PELI2: variants seen among roughly 807,000 people sequenced by gnomAD.
PELI2 encodes the protein pellino E3 ubiquitin protein ligase family member 2.
In PELI2, 23 loss-of-function variants were observed where a neutral mutation model predicts 42.3. The ratio of observed to expected loss-of-function variants is 0.54; its 90% confidence interval spans 0.39 to 0.77. PELI2 has a LOEUF of 0.77. Among genes scored for constraint, PELI2 ranks in the 30% least tolerant of loss-of-function variants. The pLI is 0.00. For synonymous variants in PELI2, 245 were observed against 212.2 expected (o/e 1.15, Z -1.34); for missense variants, 463 against 553.2 (o/e 0.84, Z 1.64).
At chr14:56,165,073 GT>G (rs1427044814) in intron 1 of PELI2, among the ~76,000 whole-genome samples, 1 of 125,394 alleles carries the variant, frequency 8.0e-6, no homozygotes, top group Non-Finnish European at 1.8e-5. Flanking sequence ...CTAATTTTGG[GT>G]TTGGTTTGCT....
chr14:56,204,456 G>A (rs1886444044), intron 2 of PELI2, among the ~76,000 whole-genome samples: 1 of 152,146 alleles, frequency 6.6e-6, no homozygotes, highest in Admixed American at 6.5e-5. Context: ...AGGATAATGT[G>A]AATTTGGAGG....
At chr14:56,224,980 C>G (rs969871725) in intron 2 of PELI2, among the ~76,000 whole-genome samples, 2 of 152,152 alleles carry the variant, frequency 1.3e-5, no homozygotes, top group Non-Finnish European at 1.5e-5. Context: ...GGTTTCTCCC[C>G]CAGTGCTCTG....
At chr14:56,155,105 A>T (rs1181419806) in intron 1 of PELI2, among the ~76,000 whole-genome samples, 19 of 152,164 alleles carry the variant, frequency 1.2e-4, no homozygotes, top group Non-Finnish European at 1.5e-5. Flanking sequence ...ATTTGTAAAA[A>T]TGTTTATTAA....
chr14:56,223,566 A>G (rs1887230080), intron 2 of PELI2, among the ~76,000 whole-genome samples: 1 of 152,216 alleles, frequency 6.6e-6, no homozygotes, highest in Admixed American at 6.5e-5. Context: ...TAATAATAGG[A>G]AAGCAAAATA....
At position 56,299,346 on chromosome 14, in the gene PELI2, G is replaced by A. The variant is rs1890107728; in HGVS notation, c.*2180G>A. ...CCAAGTTGGACACGTCCCGTAGTTG[G>A]GCATATGTCTAACTAAAAGTTTCTG... On this transcript the variant is annotated 3_prime_UTR_variant, in exon 6 of 6. Coordinates refer to ENST00000267460, the MANE Select transcript of PELI2 (RefSeq NM_021255.3). The A allele has an allele frequency of 6.6e-6, 1 of 152,144 alleles. No individual in the cohort carries two copies. The highest frequency in any genetic ancestry group is 1.5e-5 in the Non-Finnish European group (1 of 68,032). The allele number at this position is 152,144 out of a possible 1,614,324, so 9.4% of individuals were successfully genotyped here. A position where few individuals can be genotyped will look rare whatever the true frequency, so the allele number is the denominator to read the frequency against.
At chr14:56,199,108 C>T (rs953881689) in intron 2 of PELI2, among the ~76,000 whole-genome samples, 1 of 152,070 alleles carries the variant, frequency 6.6e-6, no homozygotes, top group Non-Finnish European at 1.5e-5. Context: ...TATCTTTCCC[C>T]CTTCCTCCTA....
At chr14:56,175,713 A>C (rs1305215397) in intron 1 of PELI2, among the ~76,000 whole-genome samples, 1 of 152,210 alleles carries the variant, frequency 6.6e-6, no homozygotes, top group Non-Finnish European at 1.5e-5. Flanking sequence ...ATGTTTCTGC[A>C]TGTGTTAAGG....
chr14:56,204,819 G>C (rs188081205), intron 2 of PELI2, among the ~76,000 whole-genome samples: 59 of 152,104 alleles, frequency 3.9e-4, no homozygotes, highest in African/African-American at 1.4e-3. Flanking sequence ...TGGATCATGA[G>C]GTTAGATCGA....
At chr14:56,122,372 T>C (rs952424733) in intron 1 of PELI2, among the ~76,000 whole-genome samples, 14 of 152,208 alleles carry the variant, frequency 9.2e-5, no homozygotes, top group African/African-American at 3.4e-4. Flanking sequence ...AAGTTCATAG[T>C]TGATCTGGGC....
chr14:56,213,209 A>G (rs1237361402), intron 2 of PELI2, among the ~76,000 whole-genome samples: 1 of 152,236 alleles, frequency 6.6e-6, no homozygotes, highest in Non-Finnish European at 1.5e-5. Flanking sequence ...GGTTACCTGG[A>G]TGGAAATGGA....
intron 3 of PELI2, among the ~76,000 whole-genome samples, chr14:56,282,765 A>G (rs1257791802): frequency 6.6e-6 from 1 of 152,118 alleles, no homozygotes. Flanking sequence ...TAAGGAAAAT[A>G]TCTTCCTACA....
At chr14:56,156,830 A>G (rs1884584126) in intron 1 of PELI2, among the ~76,000 whole-genome samples, 1 of 152,198 alleles carries the variant, frequency 6.6e-6, no homozygotes, top group Non-Finnish European at 1.5e-5. Flanking sequence ...TTATACCTAT[A>G]AGGTCATTTG....
intron 1 of PELI2, among the ~76,000 whole-genome samples, chr14:56,171,016 A>C (rs1885147684): frequency 6.6e-6 from 1 of 152,240 alleles, no homozygotes; most frequent in East Asian, 1.9e-4. Context: ...TTACTGGCTG[A>C]AAAGCGTGCC....
chr14:56,253,191 G>A (rs527766711), intron 2 of PELI2, among the ~76,000 whole-genome samples: 3 of 152,162 alleles, frequency 2.0e-5, no homozygotes, highest in Non-Finnish European at 4.4e-5. Flanking sequence ...AGGTATTGAT[G>A]GATGTATCTC....
intron 2 of PELI2, among the ~76,000 whole-genome samples, chr14:56,212,478 G>A (rs578047220): frequency 2.5e-4 from 38 of 152,146 alleles, no homozygotes; most frequent in Non-Finnish European, 3.8e-4. Context: ...CCTGGGATTG[G>A]GGGGAGAGAG....
chr14:56,264,196 A>T (rs1042570044), intron 2 of PELI2, among the ~76,000 whole-genome samples: 1 of 152,110 alleles, frequency 6.6e-6, no homozygotes. Context: ...ACTGTCAACA[A>T]GTGTTCTTTG....
chr14:56,201,692 G>C (rs984587772), intron 2 of PELI2, among the ~76,000 whole-genome samples: 10 of 152,068 alleles, frequency 6.6e-5, no homozygotes, highest in African/African-American at 1.7e-4. Flanking sequence ...GCTTTTAGGG[G>C]GTGGCTCAGT....
intron 3 of PELI2, among the ~76,000 whole-genome samples, chr14:56,281,174 T>C (rs1255986378): frequency 1.3e-5 from 2 of 152,128 alleles, no homozygotes; most frequent in Non-Finnish European, 2.9e-5. Context: ...GTCATTTTTA[T>C]ACGTAAATAA....
chr14:56,156,982 C>G (rs1324192244), intron 1 of PELI2, among the ~76,000 whole-genome samples: 1 of 152,116 alleles, frequency 6.6e-6, no homozygotes, highest in Non-Finnish European at 1.5e-5. Context: ...TGTATTTATT[C>G]CCTGTATTCA....
Sources: gnomAD v4.1 joint callset for allele counts (sites outside exome capture counted in the v4.1 genomes callset) on GRCh38, gnomAD v4.1.1 for gene constraint, MANE v1.5 for transcripts, NCBI Gene and HGNC (gene_info 2026-07-23, HGNC 2026-07-21) for gene names.